The following PPARGC1A variants were observed in gnomAD, a reference collection of about 807,000 sequenced individuals.
PPARGC1A encodes PPARG coactivator 1 alpha.
Under a neutral mutation model 88.7 loss-of-function variants are expected in PPARGC1A, and 25 were observed. That is an observed-to-expected ratio of 0.28 (90% CI 0.21 to 0.39). The LOEUF (loss-of-function observed/expected upper bound fraction) is 0.39, where lower values mean the gene tolerates loss of function less well. Ranked by LOEUF, PPARGC1A falls within the 10% of genes least tolerant of loss-of-function variation. The pLI, the probability that PPARGC1A is intolerant of heterozygous loss-of-function variation, is 1.00. For synonymous variants in PPARGC1A, 363 were observed against 355.6 expected (o/e 1.02, Z -0.24); for missense variants, 880 against 968.7 (o/e 0.91, Z 1.22).
the PPARGC1A span, among the ~76,000 whole-genome samples, chr4:24,402,270 C>G: frequency 1.3e-5 from 2 of 152,206 alleles, no homozygotes; most frequent in Non-Finnish European, 2.9e-5. Context: ...TTCTTGGACT[C>G]TGCAGCGGCT....
chr4:24,345,477 C>G, the PPARGC1A span, among the ~76,000 whole-genome samples: 2 of 152,134 alleles, frequency 1.3e-5, no homozygotes, highest in Admixed American at 1.3e-4. Flanking sequence ...TCTTTCAACT[C>G]TTTTGTTAGG....
chr4:24,295,623 G>A, the PPARGC1A span, among the ~76,000 whole-genome samples: 1 of 151,074 alleles, frequency 6.6e-6, no homozygotes, highest in African/African-American at 2.4e-5. Context: ...GTTTAAGGGG[G>A]AAGAAACTAT....
chr4:24,384,556 A>C, the PPARGC1A span, among the ~76,000 whole-genome samples: 1 of 146,862 alleles, frequency 6.8e-6, no homozygotes, highest in Non-Finnish European at 1.5e-5. Flanking sequence ...GCAAATGGAA[A>C]GCAAAAAAAA....
the PPARGC1A span, among the ~76,000 whole-genome samples, chr4:24,049,672 C>A: frequency 2.6e-5 from 4 of 152,034 alleles, no homozygotes; most frequent in African/African-American, 9.7e-5. Context: ...CTCCTTGCCT[C>A]ATGGAGCCAT....
At chr4:24,007,344 T>C in the PPARGC1A span, among the ~76,000 whole-genome samples, 1 of 152,166 alleles carries the variant, frequency 6.6e-6, no homozygotes, top group Non-Finnish European at 1.5e-5. Flanking sequence ...GAAGATGACA[T>C]AATGAGCAGA....
At chr4:24,023,625 T>G in the PPARGC1A span, among the ~76,000 whole-genome samples, 1 of 152,214 alleles carries the variant, frequency 6.6e-6, no homozygotes, top group African/African-American at 2.4e-5. Context: ...AAAATAGAGA[T>G]AATATCGTCA....
the PPARGC1A span, among the ~76,000 whole-genome samples, chr4:24,412,838 T>A: frequency 6.6e-6 from 1 of 152,200 alleles, no homozygotes; most frequent in Non-Finnish European, 1.5e-5. Context: ...CTATGGCTGC[T>A]TTTTTGCTGT....
the PPARGC1A span, among the ~76,000 whole-genome samples, chr4:24,015,904 C>T: frequency 5.5e-3 from 844 of 152,222 alleles, 7 homozygotes; most frequent in African/African-American, 0.019. Flanking sequence ...TGCTTTATTG[C>T]CAACAGTTGC....
At chr4:24,275,453 C>A in the PPARGC1A span, among the ~76,000 whole-genome samples, 1 of 152,068 alleles carries the variant, frequency 6.6e-6, no homozygotes, top group African/African-American at 2.4e-5. Flanking sequence ...AGCAAAATAT[C>A]TGGAAAAATA....
chr4:23,979,678 C>A, the PPARGC1A span, among the ~76,000 whole-genome samples: 1 of 152,182 alleles, frequency 6.6e-6, no homozygotes, highest in African/African-American at 2.4e-5. Context: ...GCGGGGGGGA[C>A]AAGAAGCTGC....
chr4:24,208,675 G>GAAAAAAAAA, the PPARGC1A span, among the ~76,000 whole-genome samples: 1 of 126,118 alleles, frequency 7.9e-6, no homozygotes. Context: ...ACCAAACTCA[G>GAAAAAAAAA]AAAAAAAATA....
chr4:24,460,779 A>G, the PPARGC1A span, among the ~76,000 whole-genome samples: 5 of 152,160 alleles, frequency 3.3e-5, no homozygotes, highest in Admixed American at 3.3e-4. Flanking sequence ...TGTGTCCTCA[A>G]TTTCTGACGC....
the PPARGC1A span, among the ~76,000 whole-genome samples, chr4:24,428,729 G>T: frequency 6.6e-5 from 10 of 152,158 alleles, no homozygotes; most frequent in Non-Finnish European, 1.2e-4. Context: ...TGGGTAGCAA[G>T]AATAACATAA....
the PPARGC1A span, among the ~76,000 whole-genome samples, chr4:24,369,317 A>C: frequency 1.3e-5 from 2 of 152,188 alleles, no homozygotes; most frequent in Non-Finnish European, 2.9e-5. Context: ...AAGTCTGAGA[A>C]TAGTTGCTTG....
chr4:24,196,382 G>C, the PPARGC1A span, among the ~76,000 whole-genome samples: 1 of 152,204 alleles, frequency 6.6e-6, no homozygotes, highest in Non-Finnish European at 1.5e-5. Context: ...CAAAGGCTTG[G>C]CAATTATTTG....
At chr4:24,229,302 C>T in the PPARGC1A span, among the ~76,000 whole-genome samples, 19 of 150,776 alleles carry the variant, frequency 1.3e-4, no homozygotes, top group African/African-American at 2.4e-4. Flanking sequence ...TACAGACACG[C>T]GCCACCACGC....
chr4:24,367,177 G>A, the PPARGC1A span, among the ~76,000 whole-genome samples: 1 of 152,212 alleles, frequency 6.6e-6, no homozygotes, highest in Non-Finnish European at 1.5e-5. Context: ...AACCACTACT[G>A]TGGAAGGAAA....
the PPARGC1A span, among the ~76,000 whole-genome samples, chr4:24,184,402 T>C: frequency 6.6e-6 from 1 of 152,222 alleles, no homozygotes; most frequent in Non-Finnish European, 1.5e-5. Flanking sequence ...GAAACTAATA[T>C]TGAAGAGATG....
the PPARGC1A span, among the ~76,000 whole-genome samples, chr4:23,972,298 A>G: frequency 1.3e-5 from 2 of 152,238 alleles, no homozygotes; most frequent in Non-Finnish European, 2.9e-5. Flanking sequence ...GATGAATTCA[A>G]TATTTCCTGC....
Sources: gnomAD v4.1 joint callset for allele counts (sites outside exome capture counted in the v4.1 genomes callset) on GRCh38, gnomAD v4.1.1 for gene constraint, MANE v1.5 for transcripts, NCBI Gene and HGNC (gene_info 2026-07-23, HGNC 2026-07-21) for gene names.